Variants in RNF19B observed in about 807,000 individuals in gnomAD.
The protein encoded by RNF19B is ring finger protein 19B, also known as E3 ubiquitin-protein ligase RNF19B.
Under a neutral mutation model 65.5 loss-of-function variants are expected in RNF19B, and 23 were observed. The observed-to-expected ratio is 0.35, with a 90% CI of 0.25 to 0.50. The LOEUF is 0.50. RNF19B is among the 20% of genes least tolerant of loss of function. The pLI, the probability that RNF19B is intolerant of heterozygous loss-of-function variation, is 0.98. For synonymous variants in RNF19B, 372 were observed against 379.6 expected (o/e 0.98, Z 0.23); for missense variants, 794 against 980.0 (o/e 0.81, Z 2.53).
At chr1:32,931,071 G>T in the RNF19B span, among the ~76,000 whole-genome samples, 7 of 148,828 alleles carry the variant, frequency 4.7e-5, no homozygotes, top group Admixed American at 2.1e-4. Flanking sequence ...GTAGGCAACA[G>T]AGCAAGACTC....
At chr1:32,961,074 T>C (rs939060589) in intron 1 of RNF19B, among the ~76,000 whole-genome samples, 5 of 152,206 alleles carry the variant, frequency 3.3e-5, no homozygotes, top group Non-Finnish European at 5.9e-5. Context: ...AGGCATCTAT[T>C]TGGCAACTAA....
At position 32,964,059 on chromosome 1, in the gene RNF19B, C is replaced by T; in HGVS notation, c.627G>A (p.Pro209=). The T allele has an allele frequency of 1.3e-6, 2 of 1,509,570 alleles. No homozygotes were observed. Among genetic ancestry groups the T allele is most frequent in the South Asian group, 1.3e-5 (1 of 79,316 alleles). 93.5% of individuals were successfully genotyped at this position (1,509,570 alleles called of 1,614,324 possible). A position where few individuals can be genotyped will look rare whatever the true frequency, so the allele number is the denominator to read the frequency against. ...SDPDCRWCPA[P]DCGYAVIAYG... The stretch of plus-strand genomic sequence containing the variant: ...CACGCCCCCGCGCTCACCCGCAGTC[C>T]GGGGCCGGGCACCAGCGGCAGTCGG... Residue 209 remains proline (P), a synonymous_variant, in exon 1 of 9, where the codon CCG becomes CCA. Transcript: ENST00000235150. This position sits in a 1 kb window ranked among gnomAD's most constrained non-coding sequence, Gnocchi z 6.5.
chr1:32,945,365 AAAT>A (rs1454069071), intron 5 of RNF19B, 146 bp downstream of exon 5: 3 of 509,622 alleles, frequency 5.9e-6, no homozygotes, highest in African/African-American at 1.9e-5. Flanking sequence ...AAAAACTTAA[AAAT>A]AATCATAATC....
At chr1:32,947,821 T>C (rs1205307771) in intron 3 of RNF19B, among the ~76,000 whole-genome samples, 1 of 151,780 alleles carries the variant, frequency 6.6e-6, no homozygotes, top group East Asian at 1.9e-4. Context: ...TGACAAAAGA[T>C]AAAAGAAAGT....
chr1:32,954,504 C>T lies in RNF19B; in HGVS notation c.636-4730G>A, dbSNP rs146217484. ...CTGTAATCCCAGCACTCTGGGAGGC[C>T]GAGGCAGGTGGATCACCTGAGGTCA... On this transcript the variant is annotated intron_variant, in intron 1 of 8. Coordinates refer to ENST00000235150, the MANE Select transcript of RNF19B (RefSeq NM_001300826.2). Among the ~76,000 whole-genome samples the T allele has an allele frequency of 2.8e-3, 425 of 151,710 alleles. 4 individuals carry two copies. The highest frequency in any genetic ancestry group is 9.8e-3 in the African/African-American group (406 of 41,400).
chr1:32,960,138 G>A (rs1392268887), intron 1 of RNF19B, among the ~76,000 whole-genome samples: 3 of 152,194 alleles, frequency 2.0e-5, no homozygotes, highest in Non-Finnish European at 4.4e-5. Flanking sequence ...TTGAGTGTAA[G>A]AGAAGAAAAA....
At chr1:32,940,678 C>G (rs1032154216) in intron 7 of RNF19B, among the ~76,000 whole-genome samples, 1 of 152,164 alleles carries the variant, frequency 6.6e-6, no homozygotes, top group Non-Finnish European at 1.5e-5. Flanking sequence ...CAACCATCTC[C>G]TCTACCTTCC....
intron 7 of RNF19B, among the ~76,000 whole-genome samples, chr1:32,942,045 C>T (rs1422626685): frequency 6.6e-6 from 1 of 152,060 alleles, no homozygotes; most frequent in Non-Finnish European, 1.5e-5. Flanking sequence ...TGCAGTGAGC[C>T]GAGATCACGC....
At chr1:32,950,347 C>A (rs1300709422) in intron 1 of RNF19B, among the ~76,000 whole-genome samples, 1 of 152,106 alleles carries the variant, frequency 6.6e-6, no homozygotes, top group East Asian at 1.9e-4. Flanking sequence ...TCTTATTTAT[C>A]CTGGATTTCC....
chr1:32,938,005 T>C (rs1240614277), intron 8 of RNF19B, among the ~76,000 whole-genome samples: 2 of 151,322 alleles, frequency 1.3e-5, no homozygotes, highest in Non-Finnish European at 2.9e-5. Context: ...TTTCTCAAAA[T>C]GAAAGAGAAA....
At position 32,936,627 on chromosome 1, in the gene RNF19B, T is replaced by C. The variant is rs61800887; in HGVS notation, c.*179A>G. 53 of 640,484 alleles carry C rather than the reference T, an allele frequency of 8.3e-5. No homozygotes were observed. Among genetic ancestry groups the C allele is most frequent in the Non-Finnish European group, 1.2e-4 (50 of 406,572 alleles). The allele number at this position is 640,484 out of a possible 1,614,324, so 39.7% of individuals were successfully genotyped here. On this transcript the variant is annotated 3_prime_UTR_variant, in exon 9 of 9. Transcript: ENST00000235150. ...GGGGAGGGGAACTAACGGCAAACTT[T>C]TCATGTTTTATCTGGTAAGAAATTG...
At chr1:32,954,887 C>T (rs1642598656) in intron 1 of RNF19B, among the ~76,000 whole-genome samples, 1 of 152,028 alleles carries the variant, frequency 6.6e-6, no homozygotes, top group Non-Finnish European at 1.5e-5. Flanking sequence ...AAACATCGTA[C>T]ACTCTGTCCT....
chr1:32,942,529 A>G, intron 6 of RNF19B, 70 bp from the exon 7 acceptor site: 1 of 1,362,056 alleles, frequency 7.3e-7, no homozygotes, highest in South Asian at 1.2e-5. Context: ...ATTTTCCTGC[A>G]ATGACTTTTC....
chr1:32,938,236 A>T, intron 8 of RNF19B, 161 bp downstream of exon 8: 1 of 601,324 alleles, frequency 1.7e-6, no homozygotes, highest in Non-Finnish European at 2.9e-6. Context: ...AAGAGATGCC[A>T]AACACTCAAG....
chr1:32,958,224 C>T lies in RNF19B; in HGVS notation c.635+5827G>A, dbSNP rs75354813. 3.3e-3 allele frequency among the ~76,000 whole-genome samples: 497 copies of T among 152,272 alleles called. 12 individuals are homozygous for T. The East Asian group carries it at 0.078, about 24-fold the overall frequency. On this transcript the variant is annotated intron_variant, in intron 1 of 8. Coordinates refer to ENST00000235150, the MANE Select transcript of RNF19B (RefSeq NM_001300826.2). ...CTGGTGATCTAAATTGGGGAAATTA[C>T]ATTATATTGAAGATTTATACTACAT...
chr1:32,938,240 A>C, intron 8 of RNF19B, 157 bp downstream of exon 8: 1 of 615,888 alleles, frequency 1.6e-6, no homozygotes, highest in Non-Finnish European at 2.8e-6. Flanking sequence ...GATGCCAAAC[A>C]CTCAAGTACC....
intron 5 of RNF19B, 76 bp from the exon 6 acceptor site, chr1:32,944,235 A>G: frequency 6.7e-7 from 1 of 1,484,128 alleles, no homozygotes; most frequent in South Asian, 1.3e-5. Context: ...CAGTCTGGGC[A>G]TGGACAAACC....
chr1:32,938,337 G>T, intron 8 of RNF19B, 60 bp downstream of exon 8: 1 of 1,594,032 alleles, frequency 6.3e-7, no homozygotes, highest in South Asian at 1.1e-5. Flanking sequence ...TTGAACTTCT[G>T]AAGACCTAGT....
chr1:32,962,589 T>C lies in RNF19B; in HGVS notation c.635+1462A>G, dbSNP rs1642796554. On this transcript the variant is annotated intron_variant, in intron 1 of 8. Coordinates refer to ENST00000235150, the MANE Select transcript of RNF19B (RefSeq NM_001300826.2). ...CTCCTAGACACTCTAAGACAGCTCC[T>C]TTTGAAAGGAGACAACCAGCAGCAT... is the stretch of plus-strand genomic sequence containing the variant. Among the ~76,000 whole-genome samples, 3 of 152,176 alleles carry C rather than the reference T, an allele frequency of 2.0e-5. No homozygotes were observed. The South Asian group carries it at 6.2e-4, about 31-fold the overall frequency.
Sources: gnomAD v4.1 joint callset for allele counts (sites outside exome capture counted in the v4.1 genomes callset) on GRCh38, gnomAD v4.1.1 for gene constraint, Gnocchi (gnomAD v3.1) non-coding constraint, MANE v1.5 for transcripts, NCBI Gene and HGNC (gene_info 2026-07-23, HGNC 2026-07-21) for gene names.